ARAP2: variants seen among roughly 807,000 people sequenced by gnomAD.
The protein encoded by ARAP2 is ArfGAP with RhoGAP domain, ankyrin repeat and PH domain 2, also known as arf-GAP with Rho-GAP domain, ANK repeat and PH domain-containing protein 2.
ARAP2 carries 148 observed loss-of-function variants against 194.5 expected under a neutral mutation model. The ratio of observed to expected loss-of-function variants is 0.76; its 90% CI spans 0.67 to 0.87. The LOEUF is 0.87. Ranked by LOEUF, ARAP2 falls within the 40% of genes least tolerant of loss-of-function variation. The pLI is 0.00. For missense variants in ARAP2, 2,128 were observed against 1,989.7 expected, an observed-to-expected ratio of 1.07 and a Z score of -1.32; for synonymous variants, 695 against 683.5, an observed-to-expected ratio of 1.02 and a Z score of -0.26.
At chr4:36,199,936 C>T (rs6838210) in intron 6 of ARAP2, among the ~76,000 whole-genome samples, 138,688 of 152,256 alleles carry the variant, frequency 0.91, 63,211 homozygotes, top group East Asian at 1. Context: ...AATCATCACA[C>T]TGTATACCTT....
chr4:36,233,971 A>G (rs1057494742), intron 1 of ARAP2, among the ~76,000 whole-genome samples: 1 of 152,224 alleles, frequency 6.6e-6, no homozygotes, highest in Non-Finnish European at 1.5e-5. Context: ...CAAAATACGA[A>G]TGCTCTTGGA....
chr4:36,242,929 T>C (rs1262105026), intron 1 of ARAP2, among the ~76,000 whole-genome samples: 5 of 152,198 alleles, frequency 3.3e-5, no homozygotes, highest in Non-Finnish European at 4.4e-5. Context: ...AATGTGTATG[T>C]GTTAAATATG....
chr4:36,235,332 C>G (rs1415137700), intron 1 of ARAP2, among the ~76,000 whole-genome samples: 2 of 152,244 alleles, frequency 1.3e-5, no homozygotes, highest in African/African-American at 4.8e-5. Flanking sequence ...CCTTCCATCA[C>G]TTGACAGCCT....
rs544891722 is a variant in ARAP2 at position 36,196,584 on chromosome 4, T to C, written c.1488-2937A>G. Among the ~76,000 whole-genome samples the C allele has an allele frequency of 3.3e-4, 50 of 152,330 alleles. No individual in the cohort carries two copies. The South Asian group carries it at 8.1e-3, about 25-fold the overall frequency. ...AAAGATTATTAAATCTCTTTAACAT[T>C]CTATGAAGGGACAGGTAAATAAGAC... On this transcript the variant is annotated intron_variant, in intron 6 of 32. Transcript: ENST00000303965.
intron 8 of ARAP2, among the ~76,000 whole-genome samples, chr4:36,181,575 T>C (rs2109866320): frequency 6.6e-6 from 1 of 152,330 alleles, no homozygotes; most frequent in East Asian, 1.9e-4. Context: ...CCTTTACTTC[T>C]GATATGTTAA....
intron 1 of ARAP2, among the ~76,000 whole-genome samples, chr4:36,235,569 G>C (rs953698629): frequency 6.6e-6 from 1 of 152,172 alleles, no homozygotes; most frequent in Non-Finnish European, 1.5e-5. Context: ...TGTCTCCACG[G>C]CTTCTACTAC....
intron 19 of ARAP2, among the ~76,000 whole-genome samples, chr4:36,133,610 TC>T (rs1420306117): frequency 6.6e-6 from 1 of 151,730 alleles, no homozygotes; most frequent in Non-Finnish European, 1.5e-5. Context: ...TTCTTTTCAT[TC>T]CCTAGCCTCT....
intron 6 of ARAP2, among the ~76,000 whole-genome samples, chr4:36,204,352 C>T (rs903007523): frequency 6.6e-6 from 1 of 151,946 alleles, no homozygotes; most frequent in Non-Finnish European, 1.5e-5. Flanking sequence ...AATAAACCAA[C>T]AATAACAATG....
intron 2 of ARAP2, among the ~76,000 whole-genome samples, chr4:36,056,030 C>T (rs1467157344): frequency 6.6e-6 from 1 of 152,162 alleles, no homozygotes; most frequent in African/African-American, 2.4e-5. Context: ...TTAAATGTTA[C>T]TCTATTTTTA....
chr4:36,067,826 T>C lies in ARAP2; in HGVS notation c.*81A>G, dbSNP rs1388691482. 3.4e-6 allele frequency: 5 copies of C among 1,454,552 alleles called. No individual in the cohort carries two copies. In the African/African-American group the frequency reaches 7.1e-5, roughly 21 times the overall value. The allele number at this position is 1,454,552 out of a possible 1,614,324, so 90.1% of individuals were successfully genotyped here. On this transcript the variant is annotated 3_prime_UTR_variant, in exon 33 of 33. Coordinates refer to ENST00000303965, the MANE Select transcript of ARAP2 (RefSeq NM_015230.4). ...AATAGGCAAATTCTTATGAATTATC[T>C]TATAGTTCAGTTTTGGAGTTACACA...
At chr4:36,162,871 G>C (rs1408472998) in intron 11 of ARAP2, among the ~76,000 whole-genome samples, 2 of 152,096 alleles carry the variant, frequency 1.3e-5, no homozygotes. Context: ...GACTTGGTGG[G>C]TTTGAAGGAA....
intron 10 of ARAP2, 136 bp from the exon 11 acceptor site, chr4:36,165,249 G>T: frequency 1.4e-6 from 1 of 729,062 alleles, no homozygotes; most frequent in Non-Finnish European, 2.2e-6. Context: ...GTTCTGGGTT[G>T]TCTTTTCTGT....
In ARAP2 at chr4:36,210,567, G is replaced by A; in HGVS notation, c.1310C>T (p.Thr437Ile). The A allele has an allele frequency of 1.2e-6, 2 of 1,613,870 alleles. No homozygotes were observed. Among genetic ancestry groups the A allele is most frequent in the Non-Finnish European group, 1.7e-6 (2 of 1,179,866 alleles). The change falls in exon 6 of 33, where the codon ACT becomes ATT. Residue 437 changes from threonine to isoleucine, a missense_variant. Transcript: ENST00000303965. The stretch of plus-strand genomic sequence containing the variant: ...GGAGTCCAAAATCAAGGCTTTTTGA[G>A]TCCTAGATTTAGATGCCTTTGAATT... ...RKNSKASKSR[T>I]QKALILDSVN...
intron 5 of ARAP2, among the ~76,000 whole-genome samples, chr4:36,035,342 T>A (rs1719727276): frequency 6.6e-6 from 1 of 152,084 alleles, no homozygotes; most frequent in Admixed American, 6.6e-5. Context: ...TATCCATCTA[T>A]TCTAGGTTAT....
intron 19 of ARAP2, among the ~76,000 whole-genome samples, chr4:36,141,809 A>G (rs897701678): frequency 6.6e-6 from 1 of 151,686 alleles, no homozygotes; most frequent in African/African-American, 2.4e-5. Flanking sequence ...CACTATCTCT[A>G]TAGGCCAACA....
intron 5 of ARAP2, among the ~76,000 whole-genome samples, chr4:36,025,125 T>C (rs1567482): frequency 0.83 from 126,966 of 152,122 alleles, 53,476 homozygotes; most frequent in Middle Eastern, 0.91. Context: ...TATTAAATGA[T>C]GAGCAGCTAT....
chr4:36,099,227 A>G (rs187969390), intron 27 of ARAP2, among the ~76,000 whole-genome samples: 6 of 152,138 alleles, frequency 3.9e-5, no homozygotes, highest in Non-Finnish European at 5.9e-5. Flanking sequence ...TGCTATGGAC[A>G]TGATCTCATT....
intron 21 of ARAP2, among the ~76,000 whole-genome samples, chr4:36,127,760 A>T (rs1267235025): frequency 1.3e-5 from 2 of 151,934 alleles, no homozygotes; most frequent in African/African-American, 4.8e-5. Context: ...AGAAATGCTT[A>T]TGATTTATTA....
Position 36,210,389 on chromosome 4 carries a change from C to G in ARAP2, c.1487+1G>C. The stretch of plus-strand genomic sequence containing the variant: ...TATGAAATAAATGCATACGTACATA[C>G]CCTTGAGGAGAGAGTTTATCCAGCC... On this transcript the variant is annotated splice_donor_variant, in intron 6 of 32. Coordinates refer to ENST00000303965, the MANE Select transcript of ARAP2 (RefSeq NM_015230.4). LOFTEE classifies it high-confidence loss of function. 6.2e-7 allele frequency: 1 copy of G among 1,605,170 alleles called. No homozygotes were observed. The highest frequency in any genetic ancestry group is 8.5e-7 in the Non-Finnish European group (1 of 1,176,260).
Sources: gnomAD v4.1 joint callset for allele counts (sites outside exome capture counted in the v4.1 genomes callset) on GRCh38, gnomAD v4.1.1 for gene constraint, MANE v1.5 for transcripts, NCBI Gene and HGNC (gene_info 2026-07-23, HGNC 2026-07-21) for gene names.